The following ASPG variants were observed in gnomAD, a reference collection of about 807,000 sequenced individuals.
The protein encoded by ASPG is 60 kDa lysophospholipase.
ASPG carries 53 observed loss-of-function variants against 63.2 expected under a neutral mutation model. That is an observed-to-expected ratio of 0.84 (90% CI 0.67 to 1.05). The LOEUF is 1.05. Ranked by LOEUF, ASPG falls within the 50% of genes least tolerant of loss-of-function variation. The pLI is 0.00. For missense variants in ASPG, 741 were observed against 794.4 expected, an observed-to-expected ratio of 0.93 and a Z score of 0.81; for synonymous variants, 370 against 355.0, an observed-to-expected ratio of 1.04 and a Z score of -0.48.
At position 104,112,706 on chromosome 14, in the gene ASPG, C is replaced by T; in HGVS notation, c.*162C>T. The T allele has an allele frequency of 6.8e-7, 1 of 1,479,904 alleles. No individual in the cohort carries two copies. The highest frequency in any genetic ancestry group is 9.1e-7 in the Non-Finnish European group (1 of 1,101,568). 91.7% of individuals were successfully genotyped at this position (1,479,904 alleles called of 1,614,324 possible). A position where few individuals can be genotyped will look rare whatever the true frequency, so the allele number is the denominator to read the frequency against. The stretch of plus-strand genomic sequence containing the variant: ...ACGGCAATAAAGTCTCTGACATCCC[C>T]TCACCAGGTCTGTACAGCCTGGCTC... On this transcript the variant is annotated 3_prime_UTR_variant, in exon 16 of 16. Transcript: ENST00000551177.
At chr14:104,103,719 C>T (rs925240649) in intron 7 of ASPG, 44 bp downstream of exon 7, 4 of 1,492,422 alleles carry the variant, frequency 2.7e-6, no homozygotes, top group East Asian at 2.5e-5. Context: ...CCCTGAGCCC[C>T]AGCCCTCTGC....
At chr14:104,093,421 G>C (rs758691019) in intron 2 of ASPG, 70 bp from the exon 3 acceptor site, 1 of 1,372,084 alleles carries the variant, frequency 7.3e-7, no homozygotes, top group Non-Finnish European at 1.0e-6. Context: ...AGCGGGTCAG[G>C]GCATTTAGAG....
At chr14:104,100,220 AG>A (rs1479139723) in intron 6 of ASPG, among the ~76,000 whole-genome samples, 3 of 152,028 alleles carry the variant, frequency 2.0e-5, no homozygotes, top group Non-Finnish European at 4.4e-5. Flanking sequence ...GCCTGGCATG[AG>A]GGGGCCCTGG....
intron 14 of ASPG, 139 bp downstream of exon 14, chr14:104,111,740 C>G: frequency 2.2e-6 from 2 of 894,586 alleles, no homozygotes; most frequent in Non-Finnish European, 3.4e-6. Context: ...ATGCAGGACC[C>G]GCACAGACTG....
chr14:104,101,477 G>A (rs1566833741), intron 6 of ASPG, among the ~76,000 whole-genome samples: 1 of 152,152 alleles, frequency 6.6e-6, no homozygotes, highest in Non-Finnish European at 1.5e-5. Flanking sequence ...AAGGGGTGGG[G>A]GGATGCGTGG....
chr14:104,110,413 T>C lies in ASPG; in HGVS notation c.1521-1089T>C, dbSNP rs970770789. 3.6e-5 allele frequency: 35 copies of C among 985,202 alleles called. No individual in the cohort carries two copies. Among genetic ancestry groups the C allele is most frequent in the Non-Finnish European group, 1.8e-5 (15 of 829,898 alleles). The allele number at this position is 985,202 out of a possible 1,614,324, so 61.0% of individuals were successfully genotyped here. A position where few individuals can be genotyped will look rare whatever the true frequency, so the allele number is the denominator to read the frequency against. On this transcript the variant is annotated intron_variant, in intron 13 of 15. Transcript: ENST00000551177. This position sits in a 1 kb window ranked among gnomAD's most constrained non-coding sequence, Gnocchi z 4.7. ...CAAGATTTGCACTCCAGACAGGCCT[T>C]GCTGGCTCCATTGACAGATGGGGAA...
In ASPG at chr14:104,112,688, TA is replaced by T; in HGVS notation, c.*147del. 6.6e-7 allele frequency: 1 copy of T among 1,523,270 alleles called. No homozygotes were observed. The highest frequency in any genetic ancestry group is 8.8e-7 in the Non-Finnish European group (1 of 1,136,544). 94.4% of individuals were successfully genotyped at this position (1,523,270 alleles called of 1,614,324 possible). A position where few individuals can be genotyped will look rare whatever the true frequency, so the allele number is the denominator to read the frequency against. ...AGGCCTTTGTTGGGCAGGACGGCAATAAAGTCTCTGACATCCCCTCACCAGG... is the reference window on the plus strand; with the variant it reads ...AGGCCTTTGTTGGGCAGGACGGCAATAAGTCTCTGACATCCCCTCACCAGG... On this transcript the variant is annotated 3_prime_UTR_variant, in exon 16 of 16. Coordinates refer to ENST00000551177, the MANE Select transcript of ASPG (RefSeq NM_001080464.3).
chr14:104,105,145 A>T, intron 9 of ASPG, 183 bp from the exon 10 acceptor site: 1 of 891,746 alleles, frequency 1.1e-6, no homozygotes, highest in Non-Finnish European at 1.7e-6. Context: ...TGGTAGGGCC[A>T]GGGAGTGGGG....
In ASPG at chr14:104,111,000, T is replaced by TC; in HGVS notation, c.1521-497dup. 1.0e-6 allele frequency: 1 copy of TC among 985,386 alleles called. No individual in the cohort carries two copies. Among genetic ancestry groups the TC allele is most frequent in the Non-Finnish European group, 1.2e-6 (1 of 829,916 alleles). The allele number at this position is 985,386 out of a possible 1,614,324, so 61.0% of individuals were successfully genotyped here. A position where few individuals can be genotyped will look rare whatever the true frequency, so the allele number is the denominator to read the frequency against. On this transcript the variant is annotated intron_variant, in intron 13 of 15. Coordinates refer to ENST00000551177, the MANE Select transcript of ASPG (RefSeq NM_001080464.3). This position sits in a 1 kb window ranked among gnomAD's most constrained non-coding sequence, Gnocchi z 4.7. Reference sequence around the variant, plus strand: ...CCGTTATCCTGGGTTGCCTCCTGTGTCCCCCTCTCTGAACCACTGGGCTGC... The same window carrying TC: ...CCGTTATCCTGGGTTGCCTCCTGTGTCCCCCCTCTCTGAACCACTGGGCTGC...
Position 104,106,788 on chromosome 14 carries a change from TC to T in ASPG, c.1174-7del. On this transcript the variant is annotated splice_polypyrimidine_tract_variant and intron_variant, in intron 10 of 15. Transcript: ENST00000551177. ...AGGCGTGGGTCCCAGGGTGCCGCCT[TC>T]CCCACCTAGGAGGCAGATGCCCTGC... is the stretch of plus-strand genomic sequence containing the variant. The T allele has an allele frequency of 6.3e-7, 1 of 1,583,562 alleles. No homozygotes were observed. Among genetic ancestry groups the T allele is most frequent in the Non-Finnish European group, 8.6e-7 (1 of 1,166,042 alleles).
At chr14:104,098,807 G>C (rs770568428) in intron 5 of ASPG, 46 bp from the exon 6 acceptor site, 146 of 1,598,750 alleles carry the variant, frequency 9.1e-5, no homozygotes, top group Non-Finnish European at 1.2e-4. Flanking sequence ...GATGGGTCGG[G>C]GACAGGGTGG....
At chr14:104,103,314 C>G (rs943258100) in intron 6 of ASPG, among the ~76,000 whole-genome samples, 5 of 152,390 alleles carry the variant, frequency 3.3e-5, no homozygotes, top group Admixed American at 2.6e-4. Flanking sequence ...CCATCGGTCT[C>G]TCGCTGGCCA....
At chr14:104,087,541 G>A (rs1265496504) in intron 1 of ASPG, among the ~76,000 whole-genome samples, 1 of 152,206 alleles carries the variant, frequency 6.6e-6, no homozygotes, top group African/African-American at 2.4e-5. Flanking sequence ...GCCAGGCCAG[G>A]AGCAGCCCTG....
chr14:104,109,382 G>A lies in ASPG; in HGVS notation c.1520+67G>A. 1.3e-6 allele frequency: 2 copies of A among 1,493,108 alleles called. No individual in the cohort carries two copies. Among genetic ancestry groups the A allele is most frequent in the Non-Finnish European group, 1.8e-6 (2 of 1,110,504 alleles). The allele number at this position is 1,493,108 out of a possible 1,614,324, so 92.5% of individuals were successfully genotyped here. A position where few individuals can be genotyped will look rare whatever the true frequency, so the allele number is the denominator to read the frequency against. On this transcript the variant is annotated intron_variant, in intron 13 of 15. Transcript: ENST00000551177. The surrounding 1 kb of genome is among the most constrained non-coding windows in gnomAD (Gnocchi z 4.8). ...GACACAGCTTGGGGAAGCGAAGCCA[G>A]ACCTGCTGGGAGGGACAAGTGAGTC...
intron 9 of ASPG, 200 bp from the exon 10 acceptor site, chr14:104,105,128 C>T: frequency 2.5e-6 from 2 of 788,434 alleles, no homozygotes; most frequent in Non-Finnish European, 4.0e-6. Context: ...CCCTGGAGAC[C>T]CTGAGCTGGT....
At chr14:104,106,994 A>G in intron 11 of ASPG, 100 bp downstream of exon 11, 2 of 1,345,202 alleles carry the variant, frequency 1.5e-6, no homozygotes, top group Non-Finnish European at 2.0e-6. Context: ...CACTGACCAC[A>G]CTAAGCCCTT....
intron 6 of ASPG, among the ~76,000 whole-genome samples, chr14:104,100,050 G>A (rs2036803766): frequency 6.6e-6 from 1 of 152,132 alleles, no homozygotes; most frequent in Non-Finnish European, 1.5e-5. Context: ...CGCCTGGGGA[G>A]GCCCTTCCTA....
rs1448425798 is a variant in ASPG, at chr14:104,099,544, C to T, written c.640+565C>T. Reference sequence around the variant, plus strand: ...AGGCCTCACCTGAGACGCAGGGCCACTCCAGTGGCCTGCCCGGAAGTCACT... The same window carrying T: ...AGGCCTCACCTGAGACGCAGGGCCATTCCAGTGGCCTGCCCGGAAGTCACT... On this transcript the variant is annotated intron_variant, in intron 6 of 15. Transcript: ENST00000551177. Among the ~76,000 whole-genome samples the T allele has an allele frequency of 2.6e-5, 4 of 152,182 alleles. No individual in the cohort carries two copies. In the East Asian group the frequency reaches 7.7e-4, roughly 29 times the overall value.
At chr14:104,107,588 G>A (rs2037192830) in intron 12 of ASPG, among the ~76,000 whole-genome samples, 1 of 152,214 alleles carries the variant, frequency 6.6e-6, no homozygotes, top group African/African-American at 2.4e-5. Flanking sequence ...GGGTATGGGG[G>A]GCTGGGGTGG....
Sources: allele counts gnomAD v4.1 joint callset (sites outside exome capture counted in the v4.1 genomes callset), GRCh38; gene constraint gnomAD v4.1.1; non-coding constraint Gnocchi (gnomAD v3.1); transcripts MANE v1.5; gene names NCBI Gene and HGNC (gene_info 2026-07-23, HGNC 2026-07-21).